The following GALNTL6 variants were observed in gnomAD, a reference collection of about 807,000 sequenced individuals.
The protein encoded by GALNTL6 is polypeptide N-acetylgalactosaminyltransferase like 6.
A neutral mutation model predicts 73.7 loss-of-function variants in GALNTL6; 46 were observed. The observed-to-expected ratio is 0.62, with a 90% confidence interval of 0.49 to 0.80. The LOEUF (loss-of-function observed/expected upper bound fraction) is 0.80. Among genes scored for constraint, GALNTL6 ranks in the 30% least tolerant of loss-of-function variants. The pLI, the probability that GALNTL6 is intolerant of heterozygous loss-of-function variation, is 0.00. For synonymous variants in GALNTL6, 259 were observed against 263.7 expected, an observed-to-expected ratio of 0.98 and a Z score of 0.17; for missense variants, 604 against 755.0, an observed-to-expected ratio of 0.80 and a Z score of 2.34.
intron 5 of GALNTL6, among the ~76,000 whole-genome samples, chr4:172,527,884 T>A (rs1041796538): frequency 6.6e-5 from 10 of 152,172 alleles, no homozygotes; most frequent in African/African-American, 2.2e-4. Context: ...GAATGATATC[T>A]CTATCATTAA....
intron 3 of GALNTL6, among the ~76,000 whole-genome samples, chr4:172,291,622 T>C (rs945151507): frequency 2.6e-5 from 4 of 152,078 alleles, no homozygotes; most frequent in Non-Finnish European, 4.4e-5. Context: ...TCTATAAGAT[T>C]GATGTAGTGT....
chr4:172,346,988 C>CTTTTTTTTTTTTTTTTTTTTT (rs34332250), intron 4 of GALNTL6, among the ~76,000 whole-genome samples: 2 of 114,404 alleles, frequency 1.7e-5, no homozygotes, highest in Non-Finnish European at 3.4e-5. Context: ...TGTTTTCTTT[C>CTTTTTTTTTTTTTTTTTTTTT]TTTTTTTTTT....
chr4:173,001,575 AG>A (rs1451992834), intron 10 of GALNTL6, among the ~76,000 whole-genome samples: 2 of 152,230 alleles, frequency 1.3e-5, no homozygotes, highest in South Asian at 4.1e-4. Context: ...CAGAATGAAA[AG>A]GTAACCCACT....
At chr4:172,303,139 A>G (rs1740001199) in intron 3 of GALNTL6, among the ~76,000 whole-genome samples, 1 of 152,118 alleles carries the variant, frequency 6.6e-6, no homozygotes, top group Admixed American at 6.6e-5. Context: ...AACTGGAATT[A>G]CAGGCATCTG....
chr4:172,935,768 T>G (rs1217964815), intron 9 of GALNTL6, among the ~76,000 whole-genome samples: 1 of 152,028 alleles, frequency 6.6e-6, no homozygotes, highest in Non-Finnish European at 1.5e-5. Flanking sequence ...AATAACAAGG[T>G]CTGAAATTGA....
At chr4:172,115,353 T>C (rs1236136792) in intron 2 of GALNTL6, among the ~76,000 whole-genome samples, 3 of 152,144 alleles carry the variant, frequency 2.0e-5, no homozygotes, top group African/African-American at 4.8e-5. Context: ...CAAAAAGTTA[T>C]TGAAATAATT....
intron 5 of GALNTL6, among the ~76,000 whole-genome samples, chr4:172,657,408 T>C (rs1436052992): frequency 6.6e-6 from 1 of 152,204 alleles, no homozygotes; most frequent in African/African-American, 2.4e-5. Context: ...AGTTGAAGCA[T>C]GAAGTAAAAT....
intron 2 of GALNTL6, among the ~76,000 whole-genome samples, chr4:171,838,900 G>A (rs1243610094): frequency 6.6e-6 from 1 of 152,136 alleles, no homozygotes; most frequent in Non-Finnish European, 1.5e-5. Flanking sequence ...GCTGTGCAGG[G>A]CTGGAGCTGC....
chr4:172,001,026 C>T (rs1045292186), intron 2 of GALNTL6, among the ~76,000 whole-genome samples: 2 of 152,152 alleles, frequency 1.3e-5, no homozygotes, highest in Non-Finnish European at 2.9e-5. Context: ...TACATTCTAT[C>T]AGTCTGGTCA....
intron 12 of GALNTL6, among the ~76,000 whole-genome samples, chr4:173,033,385 CAA>C (rs56814083): frequency 0.031 from 4,395 of 142,482 alleles, 188 homozygotes; most frequent in African/African-American, 0.099. Flanking sequence ...TTCTAGCTGT[CAA>C]AAAAAAAAAA....
chr4:172,331,928 T>A (rs1244876736), intron 4 of GALNTL6, among the ~76,000 whole-genome samples: 1 of 152,172 alleles, frequency 6.6e-6, no homozygotes, highest in Non-Finnish European at 1.5e-5. Context: ...CTATTATTAA[T>A]TTTTTAAGAA....
intron 5 of GALNTL6, among the ~76,000 whole-genome samples, chr4:172,585,387 C>T (rs1737362411): frequency 6.6e-6 from 1 of 152,070 alleles, no homozygotes; most frequent in African/African-American, 2.4e-5. Context: ...GGCATTTGTC[C>T]TAACACTCTC....
At chr4:172,190,203 A>G (rs1028562545) in intron 2 of GALNTL6, among the ~76,000 whole-genome samples, 4 of 152,216 alleles carry the variant, frequency 2.6e-5, no homozygotes, top group African/African-American at 9.6e-5. Flanking sequence ...AAAAAATAAA[A>G]CAAAAACAGA....
chr4:172,630,601 AT>A (rs1391837881), intron 5 of GALNTL6, among the ~76,000 whole-genome samples: 5 of 151,926 alleles, frequency 3.3e-5, no homozygotes, highest in Admixed American at 1.3e-4. Context: ...TAAGACAGCC[AT>A]CCAATCCTCA....
chr4:173,030,483 T>C (rs887277507), intron 12 of GALNTL6, among the ~76,000 whole-genome samples: 4 of 152,166 alleles, frequency 2.6e-5, no homozygotes, highest in South Asian at 2.1e-4. Context: ...GGCTCTTCCG[T>C]AAAGAGAAAG....
chr4:172,730,672 G>A (rs1192067887), intron 5 of GALNTL6, among the ~76,000 whole-genome samples: 4 of 152,056 alleles, frequency 2.6e-5, no homozygotes, highest in Non-Finnish European at 4.4e-5. Flanking sequence ...CAGCGATATT[G>A]GCCTGTAGTT....
At chr4:172,082,203 T>C (rs141661866) in intron 2 of GALNTL6, among the ~76,000 whole-genome samples, 1 of 152,288 alleles carries the variant, frequency 6.6e-6, no homozygotes, top group African/African-American at 2.4e-5. Flanking sequence ...AGAGCCATCA[T>C]GTTCATGAAA....
At chr4:172,956,026 G>A (rs1749732587) in intron 10 of GALNTL6, among the ~76,000 whole-genome samples, 1 of 152,082 alleles carries the variant, frequency 6.6e-6, no homozygotes, top group African/African-American at 2.4e-5. Flanking sequence ...CAGGTCACAG[G>A]GAATATGATG....
intron 5 of GALNTL6, among the ~76,000 whole-genome samples, chr4:172,724,686 G>A (rs554782225): frequency 6.6e-6 from 1 of 152,254 alleles, no homozygotes; most frequent in African/African-American, 2.4e-5. Context: ...ATTAAGAAGG[G>A]AAGTTATTGA....
Sources: gnomAD v4.1 joint callset for allele counts (sites outside exome capture counted in the v4.1 genomes callset) on GRCh38, gnomAD v4.1.1 for gene constraint, MANE v1.5 for transcripts, NCBI Gene and HGNC (gene_info 2026-07-23, HGNC 2026-07-21) for gene names.